ZNF385D: variants seen among roughly 807,000 people sequenced by gnomAD.
ZNF385D encodes zinc finger protein 659.
ZNF385D carries 15 observed loss-of-function variants against 35.8 expected under a neutral mutation model. The observed-to-expected ratio is 0.42, with a 90% CI of 0.28 to 0.64. The LOEUF is 0.64. Ranked by LOEUF, ZNF385D falls within the 30% of genes least tolerant of loss-of-function variation. The pLI is 0.23. For synonymous variants in ZNF385D, 212 were observed against 186.8 expected (o/e 1.13, Z -1.10); for missense variants, 474 against 494.6 (o/e 0.96, Z 0.39).
At chr3:22,196,793 T>G (rs1696452530) in intron 2 of ZNF385D, among the ~76,000 whole-genome samples, 1 of 152,084 alleles carries the variant, frequency 6.6e-6, no homozygotes, top group African/African-American at 2.4e-5. Context: ...TACTACACAT[T>G]CACCATTTTG....
In ZNF385D at chr3:22,172,722, C is replaced by T. The variant is rs552214396; in HGVS notation, c.107-3687G>A. On this transcript the variant is annotated intron_variant, in intron 2 of 5. Coordinates refer to the ZNF385D transcript ENST00000494108. ...GCAACTTGAGCAATAATCAAAGCAA[C>T]ATATTATTGGATTAATACCTAAAGT... Among the ~76,000 whole-genome samples the T allele has an allele frequency of 5.9e-5, 9 of 152,224 alleles. No individual in the cohort carries two copies. The South Asian group carries it at 1.9e-3, about 32-fold the overall frequency.
intron 3 of ZNF385D, among the ~76,000 whole-genome samples, chr3:21,836,014 A>C (rs752023275): frequency 2.0e-5 from 3 of 152,090 alleles, no homozygotes; most frequent in Non-Finnish European, 4.4e-5. Flanking sequence ...TGAAGATCAG[A>C]CAGGTAAAGA....
intron 2 of ZNF385D, among the ~76,000 whole-genome samples, chr3:22,219,888 G>A (rs1698148430): frequency 6.6e-6 from 1 of 151,978 alleles, no homozygotes; most frequent in African/African-American, 2.4e-5. Context: ...AAACAATTAT[G>A]GACCTGTATT....
intron 3 of ZNF385D, among the ~76,000 whole-genome samples, chr3:21,514,735 C>A (rs1707449831): frequency 6.6e-6 from 1 of 151,908 alleles, no homozygotes. Context: ...CATGAGAGCC[C>A]TGGAGTCTTA....
chr3:21,852,279 A>T (rs1696430638), intron 3 of ZNF385D, among the ~76,000 whole-genome samples: 1 of 151,986 alleles, frequency 6.6e-6, no homozygotes, highest in African/African-American at 2.4e-5. Flanking sequence ...AAGATTCCTT[A>T]TTCCTTAAGG....
intron 3 of ZNF385D, among the ~76,000 whole-genome samples, chr3:22,059,668 T>G (rs1032088077): frequency 6.6e-6 from 1 of 152,180 alleles, no homozygotes; most frequent in African/African-American, 2.4e-5. Flanking sequence ...GTGGAGCACA[T>G]TACTTTGAAG....
At chr3:22,296,262 CT>C (rs1222102352) in intron 2 of ZNF385D, among the ~76,000 whole-genome samples, 1 of 152,178 alleles carries the variant, frequency 6.6e-6, no homozygotes, top group Admixed American at 6.6e-5. Flanking sequence ...TCAGGCAGGG[CT>C]TGGCAGAGAC....
intron 3 of ZNF385D, among the ~76,000 whole-genome samples, chr3:22,120,792 T>TA (rs1455235241): frequency 6.6e-6 from 1 of 152,172 alleles, no homozygotes; most frequent in African/African-American, 2.4e-5. Flanking sequence ...TATGTTTTCC[T>TA]AATTACCGTT....
chr3:22,142,819 A>C (rs886354998), intron 3 of ZNF385D, among the ~76,000 whole-genome samples: 5 of 151,966 alleles, frequency 3.3e-5, no homozygotes, highest in Non-Finnish European at 7.4e-5. Flanking sequence ...GCTTCTCTCA[A>C]AACAGCCATC....
intron 3 of ZNF385D, among the ~76,000 whole-genome samples, chr3:22,067,178 A>G (rs929386778): frequency 4.6e-5 from 7 of 152,238 alleles, no homozygotes; most frequent in Admixed American, 2.0e-4. Flanking sequence ...TGTTTTATTC[A>G]TCACACTGCC....
intron 2 of ZNF385D, among the ~76,000 whole-genome samples, chr3:21,606,041 G>A (rs1263520493): frequency 2.0e-5 from 3 of 152,186 alleles, no homozygotes; most frequent in African/African-American, 7.2e-5. Context: ...AGGGGACTCA[G>A]TCTATGGCTC....
chr3:21,688,899 T>C (rs2067193105), intron 1 of ZNF385D, among the ~76,000 whole-genome samples: 1 of 152,200 alleles, frequency 6.6e-6, no homozygotes, highest in African/African-American at 2.4e-5. Flanking sequence ...AATGTGCTTG[T>C]GTTTCCAACA....
At chr3:22,164,907 G>A (rs2125748698) in intron 3 of ZNF385D, among the ~76,000 whole-genome samples, 1 of 152,190 alleles carries the variant, frequency 6.6e-6, no homozygotes, top group African/African-American at 2.4e-5. Context: ...AGTGAAAGAA[G>A]CCAATATAAA....
chr3:21,784,850 T>A (rs1205759374), intron 3 of ZNF385D, among the ~76,000 whole-genome samples: 1 of 152,194 alleles, frequency 6.6e-6, no homozygotes, highest in African/African-American at 2.4e-5. Flanking sequence ...CACATGGCAC[T>A]GTTACTGATT....
chr3:21,795,833 A>G (rs1048810984), intron 3 of ZNF385D, among the ~76,000 whole-genome samples: 10 of 152,266 alleles, frequency 6.6e-5, no homozygotes, highest in Admixed American at 1.3e-4. Context: ...AAGAAGAATG[A>G]CAGGCGCTAT....
rs565816388 is a variant in ZNF385D, at chr3:21,510,697, A to T, written c.439+164T>A. Among the ~76,000 whole-genome samples the T allele has an allele frequency of 5.9e-5, 9 of 152,258 alleles. No individual in the cohort carries two copies. The South Asian group carries it at 1.9e-3, about 32-fold the overall frequency. ...TAATTAGTGATTATCTTAATCTTGC[A>T]GGGGTTTGGAAAAATGAGAGGAAAC... is the stretch of plus-strand genomic sequence containing the variant. On this transcript the variant is annotated intron_variant, in intron 4 of 7. Coordinates refer to ENST00000281523, the MANE Select transcript of ZNF385D (RefSeq NM_024697.3).
rs562723362 is a variant in ZNF385D, at chr3:21,901,888, C to A, written c.326-236860G>T. Among the ~76,000 whole-genome samples the A allele has an allele frequency of 3.3e-5, 5 of 152,272 alleles. No homozygotes were observed. In the South Asian group the frequency reaches 1.0e-3, roughly 32 times the overall value. On this transcript the variant is annotated intron_variant, in intron 3 of 5. Coordinates refer to the ZNF385D transcript ENST00000494108. ...AATCTCAGCAAAGGGAAGGAAGACACAGAAGAGCGTTCAGTCTAGTATTAA... is the reference window on the plus strand; with the variant it reads ...AATCTCAGCAAAGGGAAGGAAGACAAAGAAGAGCGTTCAGTCTAGTATTAA...
intron 3 of ZNF385D, among the ~76,000 whole-genome samples, chr3:21,923,933 C>CT (rs1186716398): frequency 1.3e-5 from 2 of 152,100 alleles, no homozygotes; most frequent in African/African-American, 2.4e-5. Context: ...CGTGTACCTC[C>CT]TGAATTTAAA....
intron 3 of ZNF385D, among the ~76,000 whole-genome samples, chr3:22,151,473 G>A (rs975864680): frequency 6.6e-6 from 1 of 152,124 alleles, no homozygotes. Context: ...GATGGATTAT[G>A]TGTACATTGA....
Sources: gnomAD v4.1 joint callset for allele counts (sites outside exome capture counted in the v4.1 genomes callset) on GRCh38, gnomAD v4.1.1 for gene constraint, MANE v1.5 for transcripts, NCBI Gene and HGNC (gene_info 2026-07-23, HGNC 2026-07-21) for gene names.